KIRREL1: variants seen among roughly 807,000 people sequenced by gnomAD.
KIRREL1 encodes the protein kin of IRRE-like protein 1.
A neutral mutation model predicts 83.3 loss-of-function variants in KIRREL1; 25 were observed. That is an observed-to-expected ratio of 0.30 (90% confidence interval 0.22 to 0.42). The LOEUF is 0.42. Among genes scored for constraint, KIRREL1 ranks in the 10% least tolerant of loss-of-function variants. The pLI is 1.00. For missense variants in KIRREL1, 812 were observed against 1,032.3 expected, an observed-to-expected ratio of 0.79 and a Z score of 2.92; for synonymous variants, 388 against 410.4, an observed-to-expected ratio of 0.95 and a Z score of 0.66.
intron 1 of KIRREL1, among the ~76,000 whole-genome samples, chr1:158,049,286 AG>A (rs1303563019): frequency 1.3e-5 from 2 of 152,366 alleles, no homozygotes; most frequent in Admixed American, 1.3e-4. Context: ...AGGATGCACA[AG>A]TACTATGGGA....
At chr1:158,011,365 C>T (rs533596470) in intron 1 of KIRREL1, among the ~76,000 whole-genome samples, 6 of 152,310 alleles carry the variant, frequency 3.9e-5, no homozygotes, top group South Asian at 2.1e-4. Context: ...GTTGGACCCT[C>T]GGAGAAGCCC....
At chr1:158,030,534 C>A (rs1660293647) in intron 1 of KIRREL1, among the ~76,000 whole-genome samples, 1 of 152,180 alleles carries the variant, frequency 6.6e-6, no homozygotes, top group Admixed American at 6.5e-5. Context: ...CTACTCCAGG[C>A]CGTCGCATAT....
In KIRREL1 at chr1:158,087,992, G is replaced by A; in HGVS notation, c.768-14G>A. The A allele has an allele frequency of 1.2e-6, 2 of 1,614,046 alleles. No homozygotes were observed. The highest frequency in any genetic ancestry group is 2.2e-5 in the East Asian group (1 of 44,880). ...TGAGGCCTGATCCCACCTCTGTGTT[G>A]CCTCCTCCCCTAGGTGGGCCAAAGG... On this transcript the variant is annotated splice_polypyrimidine_tract_variant and intron_variant, in intron 6 of 14. Coordinates refer to ENST00000359209, the MANE Select transcript of KIRREL1 (RefSeq NM_018240.7).
intron 1 of KIRREL1, among the ~76,000 whole-genome samples, chr1:158,064,536 G>C (rs1411410847): frequency 1.3e-5 from 2 of 152,216 alleles, no homozygotes; most frequent in Admixed American, 6.5e-5. Flanking sequence ...ATTACCTAGA[G>C]CCCTCCGGAG....
chr1:158,086,519 C>G (rs1487703521), intron 4 of KIRREL1, 77 bp from the exon 5 acceptor site: 2 of 1,470,516 alleles, frequency 1.4e-6, no homozygotes, highest in Admixed American at 4.2e-5. Context: ...CCAAGCCCAT[C>G]TCTGAGTGAG....
chr1:158,003,861 G>T (rs1274447913), intron 1 of KIRREL1, among the ~76,000 whole-genome samples: 2 of 151,956 alleles, frequency 1.3e-5, no homozygotes, highest in Non-Finnish European at 2.9e-5. Context: ...TGGATTATCT[G>T]CACCGCTGCC....
chr1:158,062,117 C>T (rs1302352898), intron 1 of KIRREL1, among the ~76,000 whole-genome samples: 1 of 152,142 alleles, frequency 6.6e-6, no homozygotes, highest in Non-Finnish European at 1.5e-5. Flanking sequence ...TGTCCCCCAC[C>T]AATATCCTGT....
At chr1:158,015,394 T>C (rs973400842) in intron 1 of KIRREL1, among the ~76,000 whole-genome samples, 1 of 152,228 alleles carries the variant, frequency 6.6e-6, no homozygotes, top group African/African-American at 2.4e-5. Flanking sequence ...CTCTCAATGT[T>C]ATCCTCAGAC....
At chr1:158,035,673 G>A (rs1660456241) in intron 1 of KIRREL1, among the ~76,000 whole-genome samples, 1 of 152,168 alleles carries the variant, frequency 6.6e-6, no homozygotes, top group South Asian at 2.1e-4. Context: ...ACCCAGGCCT[G>A]TCTGACCCCA....
chr1:158,095,147 T>C lies in KIRREL1; in HGVS notation c.*27T>C. On this transcript the variant is annotated 3_prime_UTR_variant, in exon 15 of 15. Transcript: ENST00000359209. ...GGCCAGAGCCTGGCTGGGGCATCTC[T>C]GCGGGGCAGAGGAGAAGGCTTTCAC... The C allele has an allele frequency of 4.0e-6, 6 of 1,497,034 alleles. No individual in the cohort carries two copies. Among genetic ancestry groups the C allele is most frequent in the Non-Finnish European group, 5.5e-6 (6 of 1,094,252 alleles). The allele number at this position is 1,497,034 out of a possible 1,614,324, so 92.7% of individuals were successfully genotyped here.
intron 1 of KIRREL1, among the ~76,000 whole-genome samples, chr1:158,056,932 C>A (rs1008338874): frequency 2.0e-5 from 3 of 152,120 alleles, no homozygotes; most frequent in Non-Finnish European, 4.4e-5. Context: ...TTGCCTTCTG[C>A]CAGGATATGG....
intron 1 of KIRREL1, among the ~76,000 whole-genome samples, chr1:158,058,375 C>T (rs1336373066): frequency 1.3e-5 from 2 of 152,192 alleles, no homozygotes; most frequent in African/African-American, 2.4e-5. Context: ...TATTAAAAAT[C>T]CTTCATTATT....
intron 10 of KIRREL1, among the ~76,000 whole-genome samples, chr1:158,090,871 G>A (rs1334997331): frequency 6.6e-6 from 1 of 152,198 alleles, no homozygotes; most frequent in Non-Finnish European, 1.5e-5. Context: ...TATAGATGAA[G>A]AAAATAAGGC....
At chr1:158,052,355 C>A (rs899920112) in intron 1 of KIRREL1, among the ~76,000 whole-genome samples, 1 of 152,194 alleles carries the variant, frequency 6.6e-6, no homozygotes, top group Non-Finnish European at 1.5e-5. Context: ...TATTTCAAAT[C>A]TTAGTCTAAG....
intron 3 of KIRREL1, among the ~76,000 whole-genome samples, chr1:158,079,241 G>T (rs1259174091): frequency 6.6e-6 from 1 of 152,190 alleles, no homozygotes; most frequent in African/African-American, 2.4e-5. Flanking sequence ...CCCCCAAGAT[G>T]GATGGGAGAA....
At chr1:158,062,258 C>T (rs1034376073) in intron 1 of KIRREL1, among the ~76,000 whole-genome samples, 1 of 152,192 alleles carries the variant, frequency 6.6e-6, no homozygotes, top group Non-Finnish European at 1.5e-5. Flanking sequence ...GCGTCATCAA[C>T]CCTGAAGTTC....
chr1:158,010,754 C>T (rs1659666133), intron 1 of KIRREL1, among the ~76,000 whole-genome samples: 1 of 152,156 alleles, frequency 6.6e-6, no homozygotes, highest in African/African-American at 2.4e-5. Context: ...ACACCCAACC[C>T]CCTTTCTCCT....
At chr1:158,078,934 C>A (rs1450663348) in intron 3 of KIRREL1, among the ~76,000 whole-genome samples, 1 of 152,178 alleles carries the variant, frequency 6.6e-6, no homozygotes, top group African/African-American at 2.4e-5. Flanking sequence ...CGGAAGGAGG[C>A]CAGCTTCAGC....
At chr1:158,086,499 C>G in intron 4 of KIRREL1, 97 bp from the exon 5 acceptor site, 1 of 1,237,256 alleles carries the variant, frequency 8.1e-7, no homozygotes. Flanking sequence ...AGTTAAAGTA[C>G]CCCTCCAGCC....
Sources: allele counts gnomAD v4.1 joint callset (sites outside exome capture counted in the v4.1 genomes callset), GRCh38; gene constraint gnomAD v4.1.1; transcripts MANE v1.5; gene names NCBI Gene and HGNC (gene_info 2026-07-23, HGNC 2026-07-21).